The following SLC22A5 variants were observed in gnomAD, a reference collection of about 807,000 sequenced individuals.
SLC22A5 encodes organic cation/carnitine transporter 2.
A neutral mutation model predicts 56.7 loss-of-function variants in SLC22A5; 44 were observed. The ratio of observed to expected loss-of-function variants is 0.78; its 90% CI spans 0.61 to 1.00. SLC22A5 has a LOEUF of 1.00. Ranked by LOEUF, SLC22A5 falls within the 50% of genes least tolerant of loss-of-function variation. SLC22A5 has a pLI of 0.00. For synonymous variants in SLC22A5, 278 were observed against 292.1 expected (o/e 0.95, Z 0.49); for missense variants, 675 against 723.0 (o/e 0.93, Z 0.76).
intron 9 of SLC22A5, 75 bp downstream of exon 9, chr5:132,393,886 G>C (rs1752790738): frequency 6.5e-7 from 1 of 1,549,334 alleles, no homozygotes. Context: ...CCTCACAATA[G>C]AGCTACTCGC....
chr5:132,384,128 ACT>A lies in SLC22A5; in HGVS notation c.498-15_498-14del. The A allele has an allele frequency of 6.2e-7, 1 of 1,613,382 alleles. No homozygotes were observed. The highest frequency in any genetic ancestry group is 8.5e-7 in the Non-Finnish European group (1 of 1,179,828). ...GCCCTTTTCCAGCTGGTTATCTGTC[ACT>A]CTCCTTTTCTTCCCAGGTTTGGCCG... On this transcript the variant is annotated splice_polypyrimidine_tract_variant and intron_variant, in intron 2 of 9. Transcript: ENST00000245407.
chr5:132,371,349 G>A (rs1751921090), intron 1 of SLC22A5, among the ~76,000 whole-genome samples: 1 of 152,158 alleles, frequency 6.6e-6, no homozygotes, highest in Non-Finnish European at 1.5e-5. Context: ...GTATTATGAG[G>A]CAAGGCTGTC....
rs199942468 is a variant in SLC22A5 at position 132,370,231 on chromosome 5, G to A, written c.259G>A (p.Ala87Thr). 6.4e-7 allele frequency: 1 copy of A among 1,554,704 alleles called. No homozygotes were observed. Among genetic ancestry groups the A allele is most frequent in the Admixed American group, 1.9e-5 (1 of 51,662 alleles). ...CCACAGCTGCCGCCGCTACCGGCTC[G>A]CCACCATCGCCAACTTCTCGGCGCT... The part of the protein sequence containing the change: ...VPHSCRRYRL[A>T]TIANFSALGL... Residue 87 changes from alanine (A) to threonine (T), a missense_variant, in exon 1 of 10, where the codon GCC becomes ACC. Ala to Thr is a moderately conservative substitution (Grantham distance 58). Transcript: ENST00000245407.
intron 6 of SLC22A5, chr5:132,389,803 G>A (rs1752642652): frequency 6.5e-6 from 1 of 154,634 alleles, no homozygotes; most frequent in African/African-American, 2.4e-5. Flanking sequence ...GATCCCTCCA[G>A]GCAGTTCACC....
intron 7 of SLC22A5, among the ~76,000 whole-genome samples, chr5:132,391,140 C>T (rs904127400): frequency 6.6e-6 from 1 of 152,140 alleles, no homozygotes; most frequent in African/African-American, 2.4e-5. Flanking sequence ...TTACTCTGTA[C>T]CCAAGTTAAT....
intron 6 of SLC22A5, chr5:132,389,373 A>G: frequency 2.8e-6 from 1 of 356,082 alleles, no homozygotes; most frequent in Non-Finnish European, 5.5e-6. Flanking sequence ...GCTTTTAAGA[A>G]GGATCTGAGT....
intron 3 of SLC22A5, among the ~76,000 whole-genome samples, chr5:132,384,877 G>T (rs1752469530): frequency 6.6e-6 from 1 of 152,246 alleles, no homozygotes; most frequent in South Asian, 2.1e-4. Flanking sequence ...AGGCCGGCCT[G>T]TGTTTGGAGG....
chr5:132,381,470 C>T (rs958592199), intron 2 of SLC22A5: 1 of 152,206 alleles, frequency 6.6e-6, no homozygotes, highest in Non-Finnish European at 1.5e-5. Context: ...GGATGGACAG[C>T]TTCTGAGTGC....
At chr5:132,381,991 C>T (rs745480558) in intron 2 of SLC22A5, 1 of 152,108 alleles carries the variant, frequency 6.6e-6, no homozygotes, top group Non-Finnish European at 1.5e-5. Context: ...TTAAAAAAAC[C>T]ATGCAGGGGA....
intron 2 of SLC22A5, chr5:132,382,118 C>T (rs1752365928): frequency 6.6e-6 from 1 of 152,140 alleles, no homozygotes; most frequent in South Asian, 2.1e-4. Flanking sequence ...AACAACATAT[C>T]TGGCCTCTAC....
intron 1 of SLC22A5, among the ~76,000 whole-genome samples, chr5:132,372,054 G>C (rs1297157170): frequency 4.6e-5 from 7 of 152,224 alleles, no homozygotes; most frequent in Non-Finnish European, 8.8e-5. Context: ...CATATATGTA[G>C]TGGGAGTGTG....
chr5:132,394,220 T>A lies in SLC22A5; in HGVS notation c.1622T>A (p.Met541Lys). The change falls in exon 10 of 10, where the codon ATG becomes AAG. Residue 541 changes from methionine (M) to lysine (K), a missense_variant. Met to Lys is a moderately conservative substitution (Grantham distance 95). Transcript: ENST00000245407. ...KHRKTPSHTR[M>K]LKDGQERPTI... ...AGAAAAACTCCAAGTCACACAAGGA[T>A]GTTAAAAGATGGTCAAGAAAGGCCC... 1 of 1,613,772 alleles carries A rather than the reference T, an allele frequency of 6.2e-7. No homozygotes were observed.
rs1479376955 is a variant in SLC22A5 at position 132,395,243 on chromosome 5, C to T, written c.*971C>T. ...TTTTTTTTTTTAAAACAGAATCACT[C>T]TGGCAATTGTCTGCAGCTGCCACTG... On this transcript the variant is annotated 3_prime_UTR_variant, in exon 10 of 10. Transcript: ENST00000245407. The T allele has an allele frequency of 1.4e-5, 2 of 145,598 alleles. No homozygotes were observed. The highest frequency in any genetic ancestry group is 2.5e-5 in the African/African-American group (1 of 39,274). 9.0% of individuals were successfully genotyped at this position (145,598 alleles called of 1,614,324 possible).
chr5:132,378,064 C>T, intron 1 of SLC22A5: 1 of 1,522,926 alleles, frequency 6.6e-7, no homozygotes, highest in African/African-American at 1.4e-5. Context: ...GGGCTCCGCT[C>T]AGATTTTTAG....
chr5:132,370,703 G>A (rs1226168766), intron 1 of SLC22A5, among the ~76,000 whole-genome samples: 1 of 152,196 alleles, frequency 6.6e-6, no homozygotes, highest in Non-Finnish European at 1.5e-5. Context: ...GGTTGGGGGT[G>A]GTAAGTAGCA....
rs1752829064 is a variant in SLC22A5 at position 132,395,016 on chromosome 5, A to G, written c.*744A>G. On this transcript the variant is annotated 3_prime_UTR_variant, in exon 10 of 10. Transcript: ENST00000245407. ...CCACTGCTGTGGAAACCTCCTTGCT[A>G]CTATAGCGTCTTATGTATGGTTTAA... 1 of 152,322 alleles carries G rather than the reference A, an allele frequency of 6.6e-6. No individual in the cohort carries two copies. The highest frequency in any genetic ancestry group is 6.5e-5 in the Admixed American group (1 of 15,272). 9.4% of individuals were successfully genotyped at this position (152,322 alleles called of 1,614,324 possible).
rs6897342 is a variant in SLC22A5 at position 132,386,639 on chromosome 5, C to T, written c.825-386C>T. 0.027 allele frequency among the ~76,000 whole-genome samples: 4,135 copies of T among 152,176 alleles called. 184 individuals carry two copies. Among genetic ancestry groups the T allele is most frequent in the African/African-American group, 0.094 (3,895 of 41,494 alleles). On this transcript the variant is annotated intron_variant, in intron 4 of 9. Coordinates refer to ENST00000245407, the MANE Select transcript of SLC22A5 (RefSeq NM_003060.4). ...CCAGTGCAGAAGCTTCTGTTGGTGC[C>T]GGGGACAGGGAGGAGAGTGTAGCAG...
chr5:132,377,512 T>C (rs1752185801), intron 1 of SLC22A5: 1 of 152,356 alleles, frequency 6.6e-6, no homozygotes, highest in African/African-American at 2.4e-5. Flanking sequence ...CTTCCTGCTT[T>C]TGGCTCTTGT....
chr5:132,377,849 A>G, intron 1 of SLC22A5: 1 of 348,078 alleles, frequency 2.9e-6, no homozygotes, highest in Non-Finnish European at 5.3e-6. Context: ...AAAGGTCACA[A>G]AAAGGACCCG....
Sources: gnomAD v4.1 joint callset for allele counts (sites outside exome capture counted in the v4.1 genomes callset) on GRCh38, gnomAD v4.1.1 for gene constraint, MANE v1.5 for transcripts, NCBI Gene and HGNC (gene_info 2026-07-23, HGNC 2026-07-21) for gene names.